The following CTNNA2 variants were observed in gnomAD, a reference collection of about 807,000 sequenced individuals.
CTNNA2 encodes the protein catenin alpha-2.
In CTNNA2, 42 loss-of-function variants were observed where a neutral mutation model predicts 101.0. The ratio of observed to expected loss-of-function variants is 0.42; its 90% CI spans 0.32 to 0.54. The LOEUF is 0.54. Ranked by LOEUF, CTNNA2 falls within the 20% of genes least tolerant of loss-of-function variation. CTNNA2 has a pLI of 0.14. For synonymous variants in CTNNA2, 450 were observed against 456.4 expected (o/e 0.99, Z 0.18); for missense variants, 871 against 1,223.1 (o/e 0.71, Z 4.29).
chr2:79,541,819 G>T (rs964633811), intron 1 of CTNNA2, among the ~76,000 whole-genome samples: 1 of 151,956 alleles, frequency 6.6e-6, no homozygotes, highest in African/African-American at 2.4e-5. Context: ...TAGAGACGGG[G>T]TTTCACCATG....
At chr2:79,774,116 A>G (rs1217302500) in intron 3 of CTNNA2, among the ~76,000 whole-genome samples, 1 of 152,216 alleles carries the variant, frequency 6.6e-6, no homozygotes, top group African/African-American at 2.4e-5. Flanking sequence ...GTTGTGGCAG[A>G]AGTGACACTG....
intron 3 of CTNNA2, among the ~76,000 whole-genome samples, chr2:79,750,244 G>A (rs1032042607): frequency 6.6e-6 from 1 of 151,908 alleles, no homozygotes; most frequent in African/African-American, 2.4e-5. Flanking sequence ...ACTTTTTTTT[G>A]ACTATGCACT....
At chr2:80,255,212 T>C (rs1166809566) in intron 7 of CTNNA2, among the ~76,000 whole-genome samples, 1 of 152,198 alleles carries the variant, frequency 6.6e-6, no homozygotes, top group African/African-American at 2.4e-5. Context: ...TACATCTGTG[T>C]TATTCTTTCA....
At chr2:80,067,685 G>A (rs572699866) in intron 7 of CTNNA2, among the ~76,000 whole-genome samples, 6 of 152,140 alleles carry the variant, frequency 3.9e-5, no homozygotes, top group Non-Finnish European at 7.3e-5. Context: ...ATAAAAGAAG[G>A]GAAGTGTGAC....
intron 9 of CTNNA2, among the ~76,000 whole-genome samples, chr2:80,495,015 T>C (rs72916904): frequency 0.036 from 5,554 of 152,274 alleles, 358 homozygotes; most frequent in African/African-American, 0.12. Flanking sequence ...GCATGAACTG[T>C]GGTGGCTCCT....
At chr2:79,584,658 T>C (rs1371717863) in intron 1 of CTNNA2, among the ~76,000 whole-genome samples, 1 of 151,422 alleles carries the variant, frequency 6.6e-6, no homozygotes, top group Non-Finnish European at 1.5e-5. Context: ...CCAAAGGGAG[T>C]ACAGGCACAC....
Position 79,558,508 on chromosome 2 carries a change from C to T in CTNNA2, c.-6+45301C>T, listed in dbSNP as rs1000086117. Among the ~76,000 whole-genome samples the T allele has an allele frequency of 7.9e-5, 12 of 151,914 alleles. No individual in the cohort carries two copies. The South Asian group carries it at 1.2e-3, about 16-fold the overall frequency. The stretch of plus-strand genomic sequence containing the variant: ...CATTATGAATCCTTCCCTAAAGGGA[C>T]GTGCAGTGTAATAGGGAAGATAACA... On this transcript the variant is annotated intron_variant, in intron 1 of 18. Transcript: ENST00000402739.
chr2:79,249,951 C>A (rs963528138), intron 2 of CTNNA2, among the ~76,000 whole-genome samples: 25 of 152,176 alleles, frequency 1.6e-4, no homozygotes, highest in African/African-American at 5.5e-4. Context: ...CTTTGAACTG[C>A]ATCTGCCTGA....
At chr2:79,894,650 T>C (rs1325969966) in intron 6 of CTNNA2, among the ~76,000 whole-genome samples, 2 of 152,188 alleles carry the variant, frequency 1.3e-5, no homozygotes, top group African/African-American at 4.8e-5. Context: ...TTCTGAATAA[T>C]AAATTTATAT....
chr2:79,689,261 G>A (rs1317686692), intron 2 of CTNNA2, among the ~76,000 whole-genome samples: 3 of 151,956 alleles, frequency 2.0e-5, no homozygotes, highest in African/African-American at 4.8e-5. Context: ...CATCGACAGA[G>A]TTGTCACAGA....
At position 80,457,507 on chromosome 2, in the gene CTNNA2, A is replaced by T. The variant is rs377389722; in HGVS notation, c.1290+37906A>T. On this transcript the variant is annotated intron_variant, in intron 9 of 18. Transcript: ENST00000402739. ...TTTTTTAGTATAATGCTGACACATA[A>T]TAAGTATACAATACACTGTCTATAT... Among the ~76,000 whole-genome samples the T allele has an allele frequency of 7.9e-5, 12 of 152,298 alleles. No homozygotes were observed. The East Asian group carries it at 1.2e-3, about 15-fold the overall frequency.
intron 4 of CTNNA2, among the ~76,000 whole-genome samples, chr2:79,430,717 G>A (rs1416094325): frequency 6.6e-6 from 1 of 152,034 alleles, no homozygotes; most frequent in Admixed American, 6.6e-5. Context: ...GGCTTATGGG[G>A]GCTATAAAAG....
chr2:79,925,086 A>T (rs1312255541), intron 7 of CTNNA2, among the ~76,000 whole-genome samples: 1 of 152,058 alleles, frequency 6.6e-6, no homozygotes, highest in East Asian at 1.9e-4. Context: ...ACCATTTTAT[A>T]ATTTTAAGTA....
chr2:80,235,497 G>A (rs1216057732), intron 7 of CTNNA2, among the ~76,000 whole-genome samples: 1 of 152,246 alleles, frequency 6.6e-6, no homozygotes, highest in Non-Finnish European at 1.5e-5. Context: ...GAAGTTGTGG[G>A]AAGCAGGAGA....
At chr2:79,580,224 T>C (rs1382782089) in intron 1 of CTNNA2, among the ~76,000 whole-genome samples, 1 of 152,144 alleles carries the variant, frequency 6.6e-6, no homozygotes, top group Non-Finnish European at 1.5e-5. Context: ...AATCTAATCA[T>C]GAATCCTGAC....
chr2:80,313,501 G>A, intron 7 of CTNNA2: 2 of 1,577,900 alleles, frequency 1.3e-6, no homozygotes, highest in South Asian at 1.2e-5. Flanking sequence ...AGCTGTGGTT[G>A]AAGAGATTTT....
chr2:80,020,547 T>C (rs1393312928), intron 7 of CTNNA2, among the ~76,000 whole-genome samples: 1 of 152,238 alleles, frequency 6.6e-6, no homozygotes, highest in Non-Finnish European at 1.5e-5. Context: ...AGGAGATTTA[T>C]TTTTAAGTGA....
chr2:79,913,363 G>C (rs1008825771), intron 7 of CTNNA2, among the ~76,000 whole-genome samples: 1 of 152,212 alleles, frequency 6.6e-6, no homozygotes, highest in Non-Finnish European at 1.5e-5. Context: ...CCCGTTTGAA[G>C]CACCATGGGA....
intron 18 of CTNNA2, among the ~76,000 whole-genome samples, chr2:80,635,995 T>A (rs1672839541): frequency 6.9e-6 from 1 of 145,958 alleles, no homozygotes; most frequent in Non-Finnish European, 1.5e-5. Context: ...TTTTTTGATA[T>A]ATATCTTCTT....
Sources: allele counts gnomAD v4.1 joint callset (sites outside exome capture counted in the v4.1 genomes callset), GRCh38; gene constraint gnomAD v4.1.1; transcripts MANE v1.5; gene names NCBI Gene and HGNC (gene_info 2026-07-23, HGNC 2026-07-21).